Variants in LPP observed in about 807,000 individuals in gnomAD.
LPP encodes lipoma-preferred partner.
A neutral mutation model predicts 60.4 loss-of-function variants in LPP; 38 were observed. The observed-to-expected ratio is 0.63, with a 90% CI of 0.49 to 0.83. The LOEUF is 0.83. LPP is among the 40% of genes least tolerant of loss of function. The probability of loss-of-function intolerance (pLI) is 0.00; values close to 1 mark genes in which losing one functional copy is unlikely to be tolerated. For missense variants in LPP, 902 were observed against 783.6 expected, an observed-to-expected ratio of 1.15 and a Z score of -1.80; for synonymous variants, 328 against 290.8, an observed-to-expected ratio of 1.13 and a Z score of -1.30.
intron 2 of LPP, among the ~76,000 whole-genome samples, chr3:188,335,340 G>A (rs779019245): frequency 2.0e-5 from 3 of 152,028 alleles, no homozygotes; most frequent in Non-Finnish European, 2.9e-5. Context: ...CACGTTTATT[G>A]GTTTACCTGT....
At chr3:188,554,829 CT>C (rs1462170701) in intron 6 of LPP, among the ~76,000 whole-genome samples, 2 of 152,074 alleles carry the variant, frequency 1.3e-5, no homozygotes, top group African/African-American at 4.8e-5. Flanking sequence ...TTATTGAAGA[CT>C]TATTGGGTGG....
chr3:188,381,775 C>G (rs572882227), intron 3 of LPP, among the ~76,000 whole-genome samples: 1 of 152,192 alleles, frequency 6.6e-6, no homozygotes, highest in African/African-American at 2.4e-5. Context: ...GACTAGGAAA[C>G]TCTTTATTTA....
chr3:188,524,058 A>G (rs896691216), intron 5 of LPP, among the ~76,000 whole-genome samples: 1 of 152,196 alleles, frequency 6.6e-6, no homozygotes, highest in Non-Finnish European at 1.5e-5. Context: ...TTCATTGTCC[A>G]TGCTCACTGC....
intron 2 of LPP, among the ~76,000 whole-genome samples, chr3:188,246,583 GT>G (rs1727025466): frequency 1.3e-5 from 2 of 152,092 alleles, no homozygotes; most frequent in African/African-American, 4.8e-5. Flanking sequence ...ATTCCTTCCA[GT>G]TTCTACATTT....
At chr3:188,248,247 G>A (rs1871521) in intron 2 of LPP, among the ~76,000 whole-genome samples, 89,243 of 151,402 alleles carry the variant, frequency 0.59, 26,667 homozygotes, top group Middle Eastern at 0.69. Flanking sequence ...AATGTTGGGC[G>A]AAGGGAGCGA....
In LPP at chr3:188,167,917, A is replaced by G. The variant is rs74802559; in HGVS notation, c.-190+13665A>G. ...TGTCTTTGCTAAATTAATATGTAAG[A>G]AATATCTTATTATTGTTTTAATTTG... On this transcript the variant is annotated intron_variant, in intron 1 of 11. Transcript: ENST00000617246. 1.6e-3 allele frequency among the ~76,000 whole-genome samples: 245 copies of G among 152,346 alleles called. 1 individual carries two copies. Among genetic ancestry groups the G allele is most frequent in the African/African-American group, 5.5e-3 (230 of 41,576 alleles).
At chr3:188,314,434 T>C (rs1434081250) in intron 2 of LPP, among the ~76,000 whole-genome samples, 1 of 152,170 alleles carries the variant, frequency 6.6e-6, no homozygotes, top group Non-Finnish European at 1.5e-5. Context: ...AATATATGAA[T>C]AAAATTTTCA....
At chr3:188,234,155 T>C (rs1413262510) in intron 2 of LPP, among the ~76,000 whole-genome samples, 1 of 152,132 alleles carries the variant, frequency 6.6e-6, no homozygotes, top group Non-Finnish European at 1.5e-5. Flanking sequence ...CCACCCCTGC[T>C]CCAAGGGCTA....
At chr3:188,718,684 A>G (rs1319894720) in intron 8 of LPP, among the ~76,000 whole-genome samples, 1 of 152,242 alleles carries the variant, frequency 6.6e-6, no homozygotes, top group Non-Finnish European at 1.5e-5. Context: ...TGCCTGGCAC[A>G]TCGGAGATAT....
chr3:188,837,230 T>C (rs888192403), intron 9 of LPP, among the ~76,000 whole-genome samples: 1 of 151,606 alleles, frequency 6.6e-6, no homozygotes, highest in Non-Finnish European at 1.5e-5. Context: ...AATACAAAAA[T>C]TAGCCAGGTG....
chr3:188,574,891 C>CT (rs911245272), intron 6 of LPP, among the ~76,000 whole-genome samples: 25 of 152,026 alleles, frequency 1.6e-4, no homozygotes, highest in Admixed American at 1.0e-3. Context: ...TTTTTTCTGT[C>CT]TTTTTTTTCA....
At chr3:188,866,073 G>T (rs1216010748) in intron 9 of LPP, 127 bp from the exon 10 acceptor site, 10 of 618,906 alleles carry the variant, frequency 1.6e-5, no homozygotes, top group Non-Finnish European at 2.3e-5. Flanking sequence ...GTTTGTAAAT[G>T]GTGATAAATG....
intron 7 of LPP, among the ~76,000 whole-genome samples, chr3:188,633,219 C>T (rs949048353): frequency 2.0e-5 from 3 of 152,218 alleles, no homozygotes; most frequent in Non-Finnish European, 4.4e-5. Flanking sequence ...ACCACATATG[C>T]TGGTAGCACA....
At chr3:188,585,793 T>G (rs1207056965) in intron 6 of LPP, among the ~76,000 whole-genome samples, 1 of 152,268 alleles carries the variant, frequency 6.6e-6, no homozygotes, top group African/African-American at 2.4e-5. Flanking sequence ...TTTCTGTTTC[T>G]TTACTGAATG....
chr3:188,282,617 G>A (rs1742488310), intron 2 of LPP, among the ~76,000 whole-genome samples: 1 of 152,142 alleles, frequency 6.6e-6, no homozygotes, highest in South Asian at 2.1e-4. Flanking sequence ...CTACACTCAT[G>A]ATTTCAGGCA....
At chr3:188,418,944 A>G (rs1012562679) in intron 4 of LPP, among the ~76,000 whole-genome samples, 37 of 152,182 alleles carry the variant, frequency 2.4e-4, no homozygotes, top group African/African-American at 8.0e-4. Flanking sequence ...TTACCGTTCT[A>G]TAGAAATGGC....
chr3:188,601,552 T>C (rs1849914), intron 6 of LPP, among the ~76,000 whole-genome samples: 148,299 of 152,256 alleles, frequency 0.97, 72,332 homozygotes, highest in Middle Eastern at 1. Context: ...TAGCCCCTAA[T>C]TCCAAGTGGG....
chr3:188,193,429 T>C (rs1358734922), intron 1 of LPP, among the ~76,000 whole-genome samples: 1 of 152,224 alleles, frequency 6.6e-6, no homozygotes, highest in Non-Finnish European at 1.5e-5. Flanking sequence ...GTAGCTACTG[T>C]ACAAGGTTAT....
chr3:188,613,592 C>T (rs1369700909), intron 7 of LPP, among the ~76,000 whole-genome samples: 1 of 152,110 alleles, frequency 6.6e-6, no homozygotes, highest in Non-Finnish European at 1.5e-5. Flanking sequence ...ATGTTAAATT[C>T]TGAAACCATC....
Sources: allele counts gnomAD v4.1 joint callset (sites outside exome capture counted in the v4.1 genomes callset), GRCh38; gene constraint gnomAD v4.1.1; transcripts MANE v1.5; gene names NCBI Gene and HGNC (gene_info 2026-07-23, HGNC 2026-07-21).